SMOC1: variants seen among roughly 807,000 people sequenced by gnomAD.
The protein encoded by SMOC1 is SPARC-related modular calcium-binding protein 1.
In SMOC1, 22 loss-of-function variants were observed where a neutral mutation model predicts 56.3. The observed-to-expected ratio is 0.39, with a 90% CI of 0.28 to 0.56. The LOEUF (loss-of-function observed/expected upper bound fraction) is 0.56. SMOC1 is among the 20% of genes least tolerant of loss of function. The pLI, the probability that SMOC1 is intolerant of heterozygous loss-of-function variation, is 0.61. For synonymous variants in SMOC1, 193 were observed against 215.0 expected (o/e 0.90, Z 0.89); for missense variants, 509 against 565.4 (o/e 0.90, Z 1.01).
chr14:69,946,132 C>T (rs1882775605), intron 1 of SMOC1, among the ~76,000 whole-genome samples: 1 of 152,134 alleles, frequency 6.6e-6, no homozygotes, highest in South Asian at 2.1e-4. Context: ...GGGATGGTCT[C>T]CCTGAGCAAA....
intron 3 of SMOC1, among the ~76,000 whole-genome samples, chr14:69,968,887 A>C (rs960548276): frequency 6.6e-6 from 1 of 152,226 alleles, no homozygotes; most frequent in Non-Finnish European, 1.5e-5. Flanking sequence ...AAAGAAGCAC[A>C]AAGAGACAGA....
chr14:70,026,645 C>A (rs1449224297), intron 11 of SMOC1, among the ~76,000 whole-genome samples: 6 of 152,222 alleles, frequency 3.9e-5, no homozygotes, highest in Non-Finnish European at 8.8e-5. Context: ...TGTCATTCTT[C>A]TTGGCCCAAT....
intron 1 of SMOC1, among the ~76,000 whole-genome samples, chr14:69,880,044 C>T (rs957359917): frequency 6.6e-6 from 1 of 152,168 alleles, no homozygotes; most frequent in Non-Finnish European, 1.5e-5. Context: ...TCTCTTCTCT[C>T]CTGCATTTTG....
At chr14:69,919,453 A>T (rs1050025944) in intron 1 of SMOC1, among the ~76,000 whole-genome samples, 1 of 152,212 alleles carries the variant, frequency 6.6e-6, no homozygotes, top group Non-Finnish European at 1.5e-5. Flanking sequence ...AATAGTTATA[A>T]TTTAACCACT....
At chr14:69,896,942 G>T (rs1884114678) in intron 1 of SMOC1, among the ~76,000 whole-genome samples, 3 of 152,218 alleles carry the variant, frequency 2.0e-5, no homozygotes. Context: ...CTCTAAGACG[G>T]TGAGGAATCA....
intron 1 of SMOC1, among the ~76,000 whole-genome samples, chr14:69,925,531 C>T (rs1294760763): frequency 6.6e-6 from 1 of 152,116 alleles, no homozygotes; most frequent in Non-Finnish European, 1.5e-5. Flanking sequence ...GCACAGATTA[C>T]CACCCGACAT....
At chr14:70,003,018 C>T (rs1885023050) in intron 7 of SMOC1, among the ~76,000 whole-genome samples, 1 of 152,232 alleles carries the variant, frequency 6.6e-6, no homozygotes, top group Non-Finnish European at 1.5e-5. Flanking sequence ...TTCTGGAACA[C>T]TCCCGACACC....
At chr14:69,965,052 T>A (rs1020027122) in intron 3 of SMOC1, among the ~76,000 whole-genome samples, 2 of 152,104 alleles carry the variant, frequency 1.3e-5, no homozygotes, top group African/African-American at 4.8e-5. Context: ...GAATATCCAA[T>A]GGAGCCAGAG....
chr14:69,928,652 T>G (rs938820289), intron 1 of SMOC1, among the ~76,000 whole-genome samples: 3 of 152,108 alleles, frequency 2.0e-5, no homozygotes, highest in South Asian at 2.1e-4. Flanking sequence ...CAGGACTTTA[T>G]TTCAGAGTAC....
chr14:69,998,277 T>A (rs983421781), intron 7 of SMOC1, among the ~76,000 whole-genome samples: 3 of 152,104 alleles, frequency 2.0e-5, no homozygotes, highest in Admixed American at 6.6e-5. Context: ...CTCCATTGCA[T>A]CTCCAGTGCA....
chr14:69,896,150 G>A (rs1038304842), intron 1 of SMOC1, among the ~76,000 whole-genome samples: 1 of 152,160 alleles, frequency 6.6e-6, no homozygotes, highest in African/African-American at 2.4e-5. Flanking sequence ...GGTCCCCAGT[G>A]TGTACCTTTC....
intron 1 of SMOC1, among the ~76,000 whole-genome samples, chr14:69,894,753 G>T (rs2139310680): frequency 6.6e-6 from 1 of 152,318 alleles, no homozygotes; most frequent in Middle Eastern, 3.4e-3. Context: ...GGGATTAAAT[G>T]ATTTTCCAGG....
Position 70,023,298 on chromosome 14 carries a change from A to G in SMOC1, c.1142A>G (p.Lys381Arg). The G allele has an allele frequency of 6.2e-7, 1 of 1,614,154 alleles. No homozygotes were observed. Among genetic ancestry groups the G allele is most frequent in the South Asian group, 1.1e-5 (1 of 91,070 alleles). Residue 381 changes from lysine (K) to arginine (R), a missense_variant, in exon 11 of 12, where the codon AAG becomes AGG. By Grantham distance (26) the Lys-to-Arg change is conservative. Coordinates refer to ENST00000361956, the MANE Select transcript of SMOC1 (RefSeq NM_001034852.3). ...AGCAATAGCAGCAACGACATTAACA[A>G]GCGGGAGATGAAGCCCTTCAAGCGC... ...LDSNSSNDIN[K>R]REMKPFKRYV... is the part of the protein sequence containing the mutation.
chr14:69,985,020 T>A, intron 5 of SMOC1, among the ~76,000 whole-genome samples: 1 of 147,730 alleles, frequency 6.8e-6, no homozygotes, highest in Admixed American at 6.8e-5. Flanking sequence ...GGTGATGGAG[T>A]GAGACCCTGT....
chr14:69,993,775 A>C (rs978004839), intron 6 of SMOC1, among the ~76,000 whole-genome samples: 1 of 151,654 alleles, frequency 6.6e-6, no homozygotes. Context: ...ATCTTGGGAG[A>C]CCTCCCCAAT....
intron 1 of SMOC1, among the ~76,000 whole-genome samples, chr14:69,895,609 C>G (rs1026659049): frequency 1.3e-5 from 2 of 152,204 alleles, no homozygotes; most frequent in Non-Finnish European, 2.9e-5. Flanking sequence ...TACTTTCTCC[C>G]TGCATCTCTG....
At chr14:69,990,639 A>G (rs57139172) in intron 5 of SMOC1, among the ~76,000 whole-genome samples, 2,238 of 152,294 alleles carry the variant, frequency 0.015, 50 homozygotes, top group African/African-American at 0.051. Context: ...TAAAAAAATG[A>G]CATTGTGTGG....
intron 1 of SMOC1, among the ~76,000 whole-genome samples, chr14:69,919,913 C>G (rs886515836): frequency 1.9e-4 from 24 of 128,446 alleles, no homozygotes; most frequent in African/African-American, 5.1e-4. Context: ...CACAAATACC[C>G]CCCCCCCCCT....
intron 1 of SMOC1, among the ~76,000 whole-genome samples, chr14:69,900,315 C>A (rs1303470172): frequency 1.3e-5 from 2 of 152,114 alleles, no homozygotes; most frequent in East Asian, 3.9e-4. Context: ...AGCAAAGAAC[C>A]CGGCACAGCG....
Sources: allele counts gnomAD v4.1 joint callset (sites outside exome capture counted in the v4.1 genomes callset), GRCh38; gene constraint gnomAD v4.1.1; transcripts MANE v1.5; gene names NCBI Gene and HGNC (gene_info 2026-07-23, HGNC 2026-07-21).